TRIM6: variants seen among roughly 807,000 people sequenced by gnomAD.
TRIM6 encodes the protein tripartite motif-containing protein 6.
TRIM6 carries 43 observed loss-of-function variants against 51.2 expected under a neutral mutation model. That is an observed-to-expected ratio of 0.84 (90% CI 0.66 to 1.08). The LOEUF is 1.08. Among genes scored for constraint, TRIM6 ranks in the 50% least tolerant of loss-of-function variants. TRIM6 has a pLI of 0.00. For synonymous variants in TRIM6, 215 were observed against 232.4 expected (o/e 0.93, Z 0.68); for missense variants, 669 against 619.0 (o/e 1.08, Z -0.86).
chr11:5,610,773 A>G lies in TRIM6; in HGVS notation c.986-4A>G, dbSNP rs1393576385. On this transcript the variant is annotated splice_polypyrimidine_tract_variant and splice_region_variant and intron_variant, in intron 7 of 7. Coordinates refer to ENST00000380097, the MANE Select transcript of TRIM6 (RefSeq NM_001003818.3). ...ATCTGCTGATGTTGTACCTTTTCCT[A>G]CAGTTGACGTGACCCTGAATCCACA... 1 of 1,613,344 alleles carries G rather than the reference A, an allele frequency of 6.2e-7. No homozygotes were observed. Among genetic ancestry groups the G allele is most frequent in the African/African-American group, 1.3e-5 (1 of 74,820 alleles).
In TRIM6 at chr11:5,606,181, C is replaced by T. The variant is rs377372434; in HGVS notation, c.834+614C>T. ...TAAATTCTTAGAGATGATGTATTAC[C>T]AGCCCTTCTTTGTTTTCACTCTCTT... is the stretch of plus-strand genomic sequence containing the variant. On this transcript the variant is annotated intron_variant, in intron 4 of 7. Coordinates refer to ENST00000380097, the MANE Select transcript of TRIM6 (RefSeq NM_001003818.3). Among the ~76,000 whole-genome samples, 3 of 152,306 alleles carry T rather than the reference C, an allele frequency of 2.0e-5. 1 individual carries two copies. The highest frequency in any genetic ancestry group is 7.2e-5 in the African/African-American group (3 of 41,554).
In TRIM6 at chr11:5,611,247, A is replaced by G; in HGVS notation, c.1456A>G (p.Thr486Ala). 1.2e-6 allele frequency: 2 copies of G among 1,613,928 alleles called. No homozygotes were observed. Among genetic ancestry groups the G allele is most frequent in the Non-Finnish European group, 1.7e-6 (2 of 1,179,934 alleles). Reference protein sequence around the residue: ...NVTNHGFPIYTFSKYYFPTTL... With the variant: ...NVTNHGFPIYAFSKYYFPTTL... The stretch of plus-strand genomic sequence containing the variant: ...CACAAACCATGGCTTCCCCATCTAC[A>G]CTTTCTCTAAATATTACTTTCCCAC... The change falls in exon 8 of 8, where the codon ACT becomes GCT. Residue 486 changes from threonine to alanine, a missense_variant. Physicochemically the swap from Thr to Ala is moderately conservative, Grantham distance 58. Coordinates refer to ENST00000380097, the MANE Select transcript of TRIM6 (RefSeq NM_001003818.3).
intron 4 of TRIM6, 149 bp downstream of exon 4, chr11:5,605,716 T>G (rs1030353755): frequency 1.0e-6 from 1 of 984,316 alleles, no homozygotes; most frequent in East Asian, 2.6e-5. Context: ...TTAAACTGTT[T>G]AGAGGTATGG....
At position 5,611,131 on chromosome 11, in the gene TRIM6, C is replaced by T. The variant is rs748911356; in HGVS notation, c.1340C>T (p.Ser447Phe). The change falls in exon 8 of 8, where the codon TCC (serine) becomes TTC (phenylalanine). Residue 447 changes from serine to phenylalanine, a missense_variant. Transcript: ENST00000380097. ...NHEYRAYEDSSPSLLLSMTVP... is the reference protein window; with the variant it reads ...NHEYRAYEDSFPSLLLSMTVP... ...GAATATAGGGCCTATGAGGATTCTT[C>T]CCCTTCCCTGCTTCTCTCCATGACA... 6 of 1,614,132 alleles carry T rather than the reference C, an allele frequency of 3.7e-6. No individual in the cohort carries two copies. The African/African-American group carries it at 8.0e-5, about 22-fold the overall frequency.
chr11:5,599,646 G>A (rs1272476805), intron 1 of TRIM6, among the ~76,000 whole-genome samples: 1 of 151,952 alleles, frequency 6.6e-6, no homozygotes, highest in Non-Finnish European at 1.5e-5. Flanking sequence ...CTTGTGATCC[G>A]CCTGCCTCAG....
chr11:5,609,085 G>A (rs552473825), intron 5 of TRIM6, among the ~76,000 whole-genome samples: 1 of 152,060 alleles, frequency 6.6e-6, no homozygotes, highest in South Asian at 2.1e-4. Context: ...CAGTAAAAAC[G>A]TAAACCCGAG....
At position 5,611,078 on chromosome 11, in the gene TRIM6, C is replaced by T. The variant is rs1045866251; in HGVS notation, c.1287C>T (p.Tyr429=). 24 of 1,614,074 alleles carry T rather than the reference C, an allele frequency of 1.5e-5. No individual in the cohort carries two copies. The highest frequency in any genetic ancestry group is 4.5e-5 in the East Asian group (2 of 44,888). The change falls in exon 8 of 8, where the codon TAC becomes TAT. Residue 429 remains tyrosine, a synonymous_variant. Coordinates refer to ENST00000380097, the MANE Select transcript of TRIM6 (RefSeq NM_001003818.3). ...CCAGGTATCAGCCTCAGAGTGGATA[C>T]TGGGTGATTGGGTTACAGCATAACC... ...AYSRYQPQSG[Y]WVIGLQHNHE...
chr11:5,607,958 GTGAAGTT>G (rs1306696902), intron 4 of TRIM6, among the ~76,000 whole-genome samples: 1 of 152,140 alleles, frequency 6.6e-6, no homozygotes, highest in Non-Finnish European at 1.5e-5. Flanking sequence ...GTTAGAGAAG[GTGAAGTT>G]TGAGAAACAG....
chr11:5,602,429 C>A lies in TRIM6; in HGVS notation c.18-817C>A, dbSNP rs189199615. 2.0e-5 allele frequency among the ~76,000 whole-genome samples: 3 copies of A among 150,488 alleles called. No homozygotes were observed. The East Asian group carries it at 5.9e-4, about 30-fold the overall frequency. ...CTGCACTCCAGCCTGGGCGACAGAG[C>A]AAGACCCCCTAATGAGGTGAATATG... On this transcript the variant is annotated intron_variant, in intron 1 of 7. Transcript: ENST00000380097.
intron 3 of TRIM6, chr11:5,604,835 A>AC (rs1848109946): frequency 3.8e-6 from 2 of 531,360 alleles, no homozygotes; most frequent in Non-Finnish European, 6.5e-6. Context: ...CCTAGGAGAC[A>AC]ATCACATAGC....
Position 5,611,196 on chromosome 11 carries a change from G to T in TRIM6, c.1405G>T (p.Ala469Ser), listed in dbSNP as rs766777481. 5.0e-6 allele frequency: 8 copies of T among 1,613,908 alleles called. No individual in the cohort carries two copies. Among genetic ancestry groups the T allele is most frequent in the Non-Finnish European group, 6.8e-6 (8 of 1,180,026 alleles). Residue 469 changes from alanine to serine, a missense_variant, in exon 8 of 8, where the codon GCT (alanine) becomes TCT (serine). Coordinates refer to ENST00000380097, the MANE Select transcript of TRIM6 (RefSeq NM_001003818.3). Reference protein sequence around the residue: ...RRVGVFLDYEAGTVSFYNVTN... With the variant: ...RRVGVFLDYESGTVSFYNVTN... ...TGTTGGGGTTTTCTTAGATTATGAG[G>T]CTGGTACTGTCTCCTTTTATAATGT...
At chr11:5,605,175 G>A (rs139792771) in intron 3 of TRIM6, 162 bp from the exon 4 acceptor site, 9 of 946,170 alleles carry the variant, frequency 9.5e-6, no homozygotes, top group African/African-American at 6.5e-5. Flanking sequence ...AGAAAAGAAG[G>A]AAAGAACAGG....
Position 5,610,234 on chromosome 11 carries a change from G to A in TRIM6, c.947G>A (p.Arg316Gln), listed in dbSNP as rs201254905. 94 of 1,614,160 alleles carry A rather than the reference G, an allele frequency of 5.8e-5. No individual in the cohort carries two copies. Among genetic ancestry groups the A allele is most frequent in the South Asian group, 3.7e-4 (34 of 91,086 alleles). Reference protein sequence around the residue: ...FRAPDLKRMLRVCRELTDVQS... With the variant: ...FRAPDLKRMLQVCRELTDVQS... ...GCCCCAGATCTGAAAAGGATGCTGCGAGTGTGTAGAGGTAAGGAGATTCAG... is the reference window on the plus strand; with the variant it reads ...GCCCCAGATCTGAAAAGGATGCTGCAAGTGTGTAGAGGTAAGGAGATTCAG... Residue 316 changes from arginine (R) to glutamine (Q), a missense_variant, in exon 6 of 8, where the codon CGA (arginine) becomes CAA (glutamine). Physicochemically the swap from Arg to Gln is conservative, Grantham distance 43. Coordinates refer to ENST00000380097, the MANE Select transcript of TRIM6 (RefSeq NM_001003818.3).
At chr11:5,609,780 A>G (rs910461541) in intron 5 of TRIM6, among the ~76,000 whole-genome samples, 4 of 152,138 alleles carry the variant, frequency 2.6e-5, no homozygotes, top group Admixed American at 1.3e-4. Context: ...AAAATTAGCC[A>G]GGCGTGGTGG....
chr11:5,596,764 G>C lies in TRIM6; in HGVS notation c.-134G>C, dbSNP rs1408572429. 5 of 1,389,112 alleles carry C rather than the reference G, an allele frequency of 3.6e-6. 1 individual carries two copies. In the South Asian group the frequency reaches 4.7e-5, roughly 13 times the overall value. The allele number at this position is 1,389,112 out of a possible 1,614,324, so 86.0% of individuals were successfully genotyped here. ...ACGGAACGGAGCAGAGTCGTGCGTG[G>C]TTGAGTTTAGATAAAAGCCGAGTGA... On this transcript the variant is annotated 5_prime_UTR_variant, in exon 1 of 8. Transcript: ENST00000380097.
chr11:5,610,727 G>A (rs370433618), intron 7 of TRIM6, 50 bp from the exon 8 acceptor site: 31 of 1,593,858 alleles, frequency 1.9e-5, no homozygotes, highest in Non-Finnish European at 2.4e-5. Context: ...TCAGCATAAC[G>A]AGACCCATGT....
intron 1 of TRIM6, 112 bp downstream of exon 1, chr11:5,597,026 T>C: frequency 1.3e-6 from 2 of 1,556,230 alleles, no homozygotes; most frequent in Middle Eastern, 1.8e-4. Context: ...TCTTTATTTC[T>C]TTTTCTTTCT....
chr11:5,599,427 G>A (rs1290018965), intron 1 of TRIM6, among the ~76,000 whole-genome samples: 5 of 109,404 alleles, frequency 4.6e-5, no homozygotes, highest in Non-Finnish European at 4.0e-5. Flanking sequence ...ATTTTGAGAC[G>A]GAGTCTCGCT....
At chr11:5,609,558 T>C (rs1312676567) in intron 5 of TRIM6, among the ~76,000 whole-genome samples, 3 of 152,110 alleles carry the variant, frequency 2.0e-5, no homozygotes, top group Admixed American at 6.6e-5. Context: ...ATAACATCTC[T>C]AGGACACAGA....
Sources: gnomAD v4.1 joint callset for allele counts (sites outside exome capture counted in the v4.1 genomes callset) on GRCh38, gnomAD v4.1.1 for gene constraint, MANE v1.5 for transcripts, NCBI Gene and HGNC (gene_info 2026-07-23, HGNC 2026-07-21) for gene names.